TULP2: variants seen among roughly 807,000 people sequenced by gnomAD.
The protein encoded by TULP2 is tubby-related protein 2.
In TULP2, 64 loss-of-function variants were observed where a neutral mutation model predicts 60.3. That is an observed-to-expected ratio of 1.06 (90% CI 0.87 to 1.31). TULP2 has a LOEUF of 1.31. TULP2 is among the 50% of genes most tolerant of loss of function. The pLI, the probability that TULP2 is intolerant of heterozygous loss-of-function variation, is 0.00. For synonymous variants in TULP2, 267 were observed against 265.4 expected, an observed-to-expected ratio of 1.01 and a Z score of -0.06; for missense variants, 652 against 667.0, an observed-to-expected ratio of 0.98 and a Z score of 0.25.
At position 48,895,106 on chromosome 19, in the gene TULP2, C is replaced by G. The variant is rs143984416; in HGVS notation, c.406G>C (p.Asp136His). 17 of 1,613,920 alleles carry G rather than the reference C, an allele frequency of 1.1e-5. No individual in the cohort carries two copies. The highest frequency in any genetic ancestry group is 7.6e-6 in the Non-Finnish European group (9 of 1,180,016). Residue 136 changes from aspartate (D) to histidine (H), a missense_variant, in exon 6 of 13, where the codon GAT (aspartate) becomes CAT (histidine). Asp to His is a moderately conservative substitution (Grantham distance 81). Coordinates refer to ENST00000221399, the MANE Select transcript of TULP2 (RefSeq NM_003323.3). ...PFLSWLPDNS[D>H]AELEEVSVEN... ...ACGGAGACTTCCTCCAATTCTGCATCGGAATTGTCTGGGAGCCAGGATAAG... is the reference window on the plus strand; with the variant it reads ...ACGGAGACTTCCTCCAATTCTGCATGGGAATTGTCTGGGAGCCAGGATAAG...
At chr19:48,893,580 G>A (rs1372242676) in intron 6 of TULP2, among the ~76,000 whole-genome samples, 7 of 151,792 alleles carry the variant, frequency 4.6e-5, no homozygotes, top group African/African-American at 1.7e-4. Context: ...TTGAGACAAA[G>A]TCTCGCTCTT....
chr19:48,881,960 T>C (rs910808321), intron 12 of TULP2, 72 bp downstream of exon 12: 2 of 1,598,346 alleles, frequency 1.3e-6, no homozygotes, highest in African/African-American at 2.7e-5. Context: ...TGATGGGAGA[T>C]GTAGTTCCCT....
Position 48,883,871 on chromosome 19 carries a change from A to G in TULP2, c.1177-19T>C, listed in dbSNP as rs2037156456. The G allele has an allele frequency of 1.9e-6, 3 of 1,613,824 alleles. No homozygotes were observed. Among genetic ancestry groups the G allele is most frequent in the African/African-American group, 2.7e-5 (2 of 74,836 alleles). On this transcript the variant is annotated intron_variant, in intron 10 of 12. Coordinates refer to ENST00000221399, the MANE Select transcript of TULP2 (RefSeq NM_003323.3). ...TGGGCTCCTGGGGGTATTACATTCC[A>G]GTTGGCCTGGTTCCTTCTTCTGACT...
chr19:48,887,522 C>A lies in TULP2; in HGVS notation c.948+428G>T, dbSNP rs188504859. ...TATTTTTTGTAAAGACGGGGTTTTGCCATGTTGTTCAGGCTGGTCTTTTTT... is the reference window on the plus strand; with the variant it reads ...TATTTTTTGTAAAGACGGGGTTTTGACATGTTGTTCAGGCTGGTCTTTTTT... On this transcript the variant is annotated intron_variant, in intron 8 of 12. Coordinates refer to ENST00000221399, the MANE Select transcript of TULP2 (RefSeq NM_003323.3). Among the ~76,000 whole-genome samples the A allele has an allele frequency of 2.1e-3, 320 of 151,016 alleles. 2 individuals are homozygous for A. Among genetic ancestry groups the A allele is most frequent in the African/African-American group, 7.5e-3 (309 of 41,228 alleles).
chr19:48,891,323 C>CA (rs58111671), intron 6 of TULP2, among the ~76,000 whole-genome samples: 112,943 of 122,982 alleles, frequency 0.92, 51,772 homozygotes, highest in African/African-American at 0.96. Context: ...GACTCCGTCT[C>CA]AAAAAAAAAA....
In TULP2 at chr19:48,897,410, A is replaced by C. The variant is rs1484833106; in HGVS notation, c.33-14T>G. On this transcript the variant is annotated splice_polypyrimidine_tract_variant and intron_variant, in intron 2 of 12. Coordinates refer to ENST00000221399, the MANE Select transcript of TULP2 (RefSeq NM_003323.3). This position sits in a 1 kb window ranked among gnomAD's most constrained non-coding sequence, Gnocchi z 4.0. ...TGCCCCAGGATGCTGAGAGAGACACAGGCCCATGGTGACAGTGCACAGGGA... is the reference window on the plus strand; with the variant it reads ...TGCCCCAGGATGCTGAGAGAGACACCGGCCCATGGTGACAGTGCACAGGGA... The C allele has an allele frequency of 6.2e-7, 1 of 1,613,200 alleles. No individual in the cohort carries two copies. Among genetic ancestry groups the C allele is most frequent in the South Asian group, 1.1e-5 (1 of 90,882 alleles).
chr19:48,885,061 T>C (rs1447454748), intron 9 of TULP2, among the ~76,000 whole-genome samples: 1 of 151,774 alleles, frequency 6.6e-6, no homozygotes, highest in Non-Finnish European at 1.5e-5. Flanking sequence ...CCACTATGCC[T>C]GGCTAATTTT....
intron 7 of TULP2, among the ~76,000 whole-genome samples, chr19:48,889,130 C>T (rs1276537744): frequency 6.6e-6 from 1 of 151,948 alleles, no homozygotes; most frequent in Non-Finnish European, 1.5e-5. Context: ...GCGTGCGCCA[C>T]CACACCTGGC....
chr19:48,896,261 C>T (rs551053158), intron 4 of TULP2, among the ~76,000 whole-genome samples, 169 bp downstream of exon 4: 68 of 152,338 alleles, frequency 4.5e-4, no homozygotes, highest in Non-Finnish European at 6.5e-4. Context: ...CAAGCCTCTC[C>T]CCTGGGCGCC....
rs3745699 is a variant in TULP2, at chr19:48,885,571, G to C, written c.949-11C>G. On this transcript the variant is annotated splice_polypyrimidine_tract_variant and intron_variant, in intron 8 of 12. Coordinates refer to ENST00000221399, the MANE Select transcript of TULP2 (RefSeq NM_003323.3). ...AGCCAGGAGGAAGCGCTATGGATGA[G>C]AGGAACAGTCCATTAGAATGGACTT... The C allele has an allele frequency of 2.0e-5, 33 of 1,611,800 alleles. No homozygotes were observed. In the East Asian group the frequency reaches 5.4e-4, roughly 26 times the overall value.
In TULP2 at chr19:48,897,333, TG is replaced by T. The variant is rs758692697; in HGVS notation, c.84+11del. The T allele has an allele frequency of 6.2e-7, 1 of 1,613,430 alleles. No individual in the cohort carries two copies. The highest frequency in any genetic ancestry group is 8.5e-7 in the Non-Finnish European group (1 of 1,179,712). ...GGAAGAGTTGGAGTGGTGAGATTCC[TG>T]GGCACAATACCTGCTGTTCCAGCTT... On this transcript the variant is annotated intron_variant, in intron 3 of 12. Transcript: ENST00000221399. The surrounding 1 kb of genome is among the most constrained non-coding windows in gnomAD (Gnocchi z 4.0).
At chr19:48,887,639 C>T (rs2037193996) in intron 8 of TULP2, among the ~76,000 whole-genome samples, 1 of 152,002 alleles carries the variant, frequency 6.6e-6, no homozygotes. Context: ...CTCACTGCAA[C>T]CTCCGCTTCC....
intron 6 of TULP2, among the ~76,000 whole-genome samples, chr19:48,894,180 G>T (rs540942283): frequency 1.2e-4 from 18 of 151,812 alleles, no homozygotes; most frequent in Non-Finnish European, 2.4e-4. Flanking sequence ...TTACAAGCCT[G>T]CACCCCCTTG....
Position 48,897,274 on chromosome 19 carries a change from C to A in TULP2, c.84+71G>T. On this transcript the variant is annotated intron_variant, in intron 3 of 12. Coordinates refer to ENST00000221399, the MANE Select transcript of TULP2 (RefSeq NM_003323.3). This position sits in a 1 kb window ranked among gnomAD's most constrained non-coding sequence, Gnocchi z 4.0. ...CGGGCTGGGAGTCCTAGAGCAAGACCTGGTGGAGAGGCCCCTGGGGAGGCA... is the reference window on the plus strand; with the variant it reads ...CGGGCTGGGAGTCCTAGAGCAAGACATGGTGGAGAGGCCCCTGGGGAGGCA... 1.9e-6 allele frequency: 3 copies of A among 1,542,044 alleles called. No individual in the cohort carries two copies. The highest frequency in any genetic ancestry group is 2.3e-5 in the East Asian group (1 of 43,814).
rs1011631106 is a variant in TULP2, at chr19:48,896,423, T to C, written c.211+7A>G. 1.9e-6 allele frequency: 3 copies of C among 1,599,100 alleles called. No individual in the cohort carries two copies. Among genetic ancestry groups the C allele is most frequent in the South Asian group, 2.2e-5 (2 of 89,432 alleles). ...CCAGGCGAACGCCCCCAGGGGTCTT[T>C]GGTCACCTCTGTCACCTAAAAGGCG... On this transcript the variant is annotated splice_region_variant and intron_variant, in intron 4 of 12. Transcript: ENST00000221399.
At chr19:48,889,256 G>T (rs1356159935) in intron 7 of TULP2, among the ~76,000 whole-genome samples, 1 of 152,140 alleles carries the variant, frequency 6.6e-6, no homozygotes, top group Admixed American at 6.5e-5. Flanking sequence ...GATTACAGGC[G>T]TGAGCCACCA....
At chr19:48,885,964 G>A (rs1599984765) in intron 8 of TULP2, among the ~76,000 whole-genome samples, 3 of 152,014 alleles carry the variant, frequency 2.0e-5, no homozygotes, top group East Asian at 3.9e-4. Flanking sequence ...ACAAGGAAAC[G>A]TCATGTCCCA....
intron 11 of TULP2, 149 bp from the exon 12 acceptor site, chr19:48,882,352 G>A: frequency 3.8e-6 from 3 of 791,762 alleles, no homozygotes; most frequent in Non-Finnish European, 6.0e-6. Flanking sequence ...GCGTTCCCAG[G>A]AGGTTAGGCA....
rs559996707 is a variant in TULP2, at chr19:48,889,676, G to A, written c.515-45C>T. The A allele has an allele frequency of 8.4e-5, 129 of 1,529,640 alleles. 1 individual carries two copies. The South Asian group carries it at 1.4e-3, about 17-fold the overall frequency. The allele number at this position is 1,529,640 out of a possible 1,614,324, so 94.8% of individuals were successfully genotyped here. On this transcript the variant is annotated intron_variant, in intron 6 of 12. Coordinates refer to ENST00000221399, the MANE Select transcript of TULP2 (RefSeq NM_003323.3). The stretch of plus-strand genomic sequence containing the variant: ...GAGAGATCAGATTGTTACTGTGTCT[G>A]TGTAGAAAGAAGTAGACATAGGAGA...
Sources: allele counts gnomAD v4.1 joint callset (sites outside exome capture counted in the v4.1 genomes callset), GRCh38; gene constraint gnomAD v4.1.1; non-coding constraint Gnocchi (gnomAD v3.1); transcripts MANE v1.5; gene names NCBI Gene and HGNC (gene_info 2026-07-23, HGNC 2026-07-21).